POLR2C: variants seen among roughly 807,000 people sequenced by gnomAD.
POLR2C encodes RNA polymerase II subunit C.
A neutral mutation model predicts 41.7 loss-of-function variants in POLR2C; 36 were observed. The ratio of observed to expected loss-of-function variants is 0.86; its 90% CI spans 0.66 to 1.14. The LOEUF (loss-of-function observed/expected upper bound fraction) is 1.14. POLR2C is among the 50% of genes most tolerant of loss of function. POLR2C has a pLI of 0.00. For missense variants in POLR2C, 260 were observed against 350.4 expected (o/e 0.74, Z 2.06); for synonymous variants, 133 against 137.8 (o/e 0.96, Z 0.25).
intron 4 of POLR2C, 147 bp downstream of exon 4, chr16:57,466,374 C>T: frequency 3.0e-6 from 2 of 674,634 alleles, no homozygotes; most frequent in Admixed American, 2.6e-5. Context: ...CCTGGGCAGG[C>T]CTTGGTCCTG....
intron 4 of POLR2C, among the ~76,000 whole-genome samples, chr16:57,468,817 G>A (rs1232323947): frequency 6.6e-6 from 1 of 152,188 alleles, no homozygotes; most frequent in Non-Finnish European, 1.5e-5. Flanking sequence ...ACTATAGAGT[G>A]TGAAAGCATT....
chr16:57,466,295 C>T (rs1307845586), intron 4 of POLR2C, 68 bp downstream of exon 4: 2 of 1,040,146 alleles, frequency 1.9e-6, no homozygotes, highest in East Asian at 4.8e-5. Context: ...GGGATTTTTC[C>T]TGACATTTGG....
intron 4 of POLR2C, among the ~76,000 whole-genome samples, chr16:57,466,827 C>G (rs2030719534): frequency 1.3e-5 from 2 of 152,214 alleles, no homozygotes; most frequent in African/African-American, 2.4e-5. Context: ...GCTACTCCCT[C>G]TTGATGGCTT....
intron 4 of POLR2C, among the ~76,000 whole-genome samples, 162 bp downstream of exon 4, chr16:57,466,389 C>G (rs1251892759): frequency 6.6e-6 from 1 of 152,216 alleles, no homozygotes; most frequent in Non-Finnish European, 1.5e-5. Context: ...GTCCTGCGTT[C>G]TGATGGGGCT....
rs371403379 is a variant in POLR2C, at chr16:57,464,715, C to G, written c.137-1238C>G. Among the ~76,000 whole-genome samples, 52 of 132,598 alleles carry G rather than the reference C, an allele frequency of 3.9e-4. No homozygotes were observed. The East Asian group carries it at 0.013, about 33-fold the overall frequency. 87.0% of individuals were successfully genotyped at this position (132,598 alleles called of 152,430 possible). On this transcript the variant is annotated intron_variant, in intron 2 of 8. Coordinates refer to ENST00000219252, the MANE Select transcript of POLR2C (RefSeq NM_032940.3). ...AAATTCAGCTTGGAGTGCTGGACCT[C>G]CCCCTGCCTAAGCACTTCATGCCTC...
At position 57,470,323 on chromosome 16, in the gene POLR2C, G is replaced by C; in HGVS notation, c.652G>C (p.Ala218Pro). The C allele has an allele frequency of 6.2e-7, 1 of 1,611,996 alleles. No individual in the cohort carries two copies. Among genetic ancestry groups the C allele is most frequent in the South Asian group, 1.1e-5 (1 of 90,662 alleles). The change falls in exon 8 of 9, where the codon GCT (alanine) becomes CCT (proline). Residue 218 changes from alanine to proline, a missense_variant. Ala to Pro is a conservative substitution (Grantham distance 27). Coordinates refer to ENST00000219252, the MANE Select transcript of POLR2C (RefSeq NM_032940.3). ...GGAGCTGGATGAGGATGAGTCGCAGGCTCCCTATGACCCCAACGGCAAGCC... is the reference window on the plus strand; with the variant it reads ...GGAGCTGGATGAGGATGAGTCGCAGCCTCCCTATGACCCCAACGGCAAGCC... ...YSELDEDESQAPYDPNGKPER... is the reference protein window; with the variant it reads ...YSELDEDESQPPYDPNGKPER...
chr16:57,470,264 C>CTG lies in POLR2C; in HGVS notation c.609-12_609-11dup. 1 of 1,612,366 alleles carries CTG rather than the reference C, an allele frequency of 6.2e-7. No individual in the cohort carries two copies. The highest frequency in any genetic ancestry group is 8.5e-7 in the Non-Finnish European group (1 of 1,178,932). On this transcript the variant is annotated splice_polypyrimidine_tract_variant and intron_variant, in intron 7 of 8. Coordinates refer to ENST00000219252, the MANE Select transcript of POLR2C (RefSeq NM_032940.3). Reference sequence around the variant, plus strand: ...GGAGCAGTGGCAACCTTGTGCTGACCTGTGTTTGACCTCAGGCCAAAGAGT... The same window carrying CTG: ...GGAGCAGTGGCAACCTTGTGCTGACCTGTGTGTTTGACCTCAGGCCAAAGAGT...
At chr16:57,467,513 A>T (rs2030738913) in intron 4 of POLR2C, among the ~76,000 whole-genome samples, 1 of 152,170 alleles carries the variant, frequency 6.6e-6, no homozygotes, top group South Asian at 2.1e-4. Flanking sequence ...CAAAGATGGC[A>T]TGGTCTGTCT....
At chr16:57,468,022 A>AT (rs2030749650) in intron 4 of POLR2C, among the ~76,000 whole-genome samples, 1 of 150,570 alleles carries the variant, frequency 6.6e-6, no homozygotes, top group Non-Finnish European at 1.5e-5. Flanking sequence ...TTATTTTTCT[A>AT]TTTTTTCAGA....
At position 57,470,138 on chromosome 16, in the gene POLR2C, C is replaced by G. The variant is rs1268545680; in HGVS notation, c.608+9C>G. On this transcript the variant is annotated intron_variant, in intron 7 of 8. Transcript: ENST00000219252. ...CCCAAGCCCGAGGAATGGTATGTTC[C>G]CCTTAGGAGTGATGGCAGGCATTTG... 6.2e-7 allele frequency: 1 copy of G among 1,607,152 alleles called. No homozygotes were observed. The highest frequency in any genetic ancestry group is 1.4e-5 in the African/African-American group (1 of 73,050).
rs770130469 is a variant in POLR2C at position 57,469,796 on chromosome 16, C to T, written c.439+35C>T. On this transcript the variant is annotated intron_variant, in intron 6 of 8. Transcript: ENST00000219252. This position sits in a 1 kb window ranked among gnomAD's most constrained non-coding sequence, Gnocchi z 5.8. ...CCTGACCTGTCACCGTGTGGGCCAG[C>T]GGGAAGGAGGGACCAGACACAGCCT... The T allele has an allele frequency of 1.4e-5, 22 of 1,598,146 alleles. No individual in the cohort carries two copies. Among genetic ancestry groups the T allele is most frequent in the Middle Eastern group, 1.7e-4 (1 of 6,056 alleles).
In POLR2C at chr16:57,462,689, C is replaced by G; in HGVS notation, c.-36C>G. The G allele has an allele frequency of 6.6e-7, 1 of 1,524,210 alleles. No homozygotes were observed. The highest frequency in any genetic ancestry group is 9.0e-7 in the Non-Finnish European group (1 of 1,117,234). 94.4% of individuals were successfully genotyped at this position (1,524,210 alleles called of 1,614,324 possible). ...TGGCGGTGGCGCCGCGCAGTCACCG[C>G]GGAGCAGACGCGGAGGCTGGTGGCC... is the stretch of plus-strand genomic sequence containing the variant. On this transcript the variant is annotated 5_prime_UTR_variant, in exon 1 of 9. Transcript: ENST00000219252.
intron 2 of POLR2C, chr16:57,463,676 G>A (rs1446397772): frequency 2.2e-6 from 1 of 452,710 alleles, no homozygotes. Context: ...TCCAGGCCGC[G>A]CTCGCGCCTG....
chr16:57,469,176 T>G lies in POLR2C; in HGVS notation c.270T>G (p.Cys90Trp). ...CCTTCCTGCCTTAGGACTGCACATG[T>G]GAGGAGTTCTGCCCCGAGTGCTCGG... Reference protein sequence around the residue: ...DKLQYSRDCTCEEFCPECSVE... With the variant: ...DKLQYSRDCTWEEFCPECSVE... The change falls in exon 5 of 9, where the codon TGT becomes TGG. Residue 90 changes from cysteine (C) to tryptophan (W), a missense_variant. Coordinates refer to ENST00000219252, the MANE Select transcript of POLR2C (RefSeq NM_032940.3). This position sits in a 1 kb window ranked among gnomAD's most constrained non-coding sequence, Gnocchi z 5.8. The G allele has an allele frequency of 6.2e-7, 1 of 1,614,070 alleles. No homozygotes were observed. Among genetic ancestry groups the G allele is most frequent in the Non-Finnish European group, 8.5e-7 (1 of 1,179,984 alleles).
chr16:57,471,142 A>G lies in POLR2C; in HGVS notation c.*23A>G. The G allele has an allele frequency of 6.2e-7, 1 of 1,609,790 alleles. No individual in the cohort carries two copies. The highest frequency in any genetic ancestry group is 8.5e-7 in the Non-Finnish European group (1 of 1,176,242). ...TAACTGCAGCTTGCCTGCTTCAGCA[A>G]AAACGGAGATTCAGGCCAGCAGCTG... On this transcript the variant is annotated 3_prime_UTR_variant, in exon 9 of 9. Transcript: ENST00000219252.
At position 57,469,182 on chromosome 16, in the gene POLR2C, G is replaced by T; in HGVS notation, c.276G>T (p.Glu92Asp). Residue 92 changes from glutamate (E) to aspartate (D), a missense_variant, in exon 5 of 9, where the codon GAG (glutamate) becomes GAT (aspartate). Coordinates refer to ENST00000219252, the MANE Select transcript of POLR2C (RefSeq NM_032940.3). The surrounding 1 kb of genome is among the most constrained non-coding windows in gnomAD (Gnocchi z 5.8). ...TGCCTTAGGACTGCACATGTGAGGA[G>T]TTCTGCCCCGAGTGCTCGGTGGAGT... ...LQYSRDCTCEEFCPECSVEFT... is the reference protein window; with the variant it reads ...LQYSRDCTCEDFCPECSVEFT... The T allele has an allele frequency of 6.2e-7, 1 of 1,614,172 alleles. No homozygotes were observed. Among genetic ancestry groups the T allele is most frequent in the Non-Finnish European group, 8.5e-7 (1 of 1,180,024 alleles).
At chr16:57,470,656 A>G (rs1036132821) in intron 8 of POLR2C, among the ~76,000 whole-genome samples, 2 of 152,216 alleles carry the variant, frequency 1.3e-5, no homozygotes, top group Middle Eastern at 3.2e-3. Flanking sequence ...CAAGTTCCAC[A>G]GGGTGACTGT....
At chr16:57,466,072 T>G in intron 3 of POLR2C, 51 bp downstream of exon 3, 1 of 1,427,742 alleles carries the variant, frequency 7.0e-7, no homozygotes, top group Non-Finnish European at 9.9e-7. Context: ...GTGCCTAGTG[T>G]CAGGAGGGGG....
At chr16:57,468,172 CAA>C (rs1172346749) in intron 4 of POLR2C, among the ~76,000 whole-genome samples, 253 of 152,250 alleles carry the variant, frequency 1.7e-3, no homozygotes, top group Middle Eastern at 6.8e-3. Context: ...CCACCACACC[CAA>C]AAAATACAAT....
Sources: allele counts gnomAD v4.1 joint callset (sites outside exome capture counted in the v4.1 genomes callset), GRCh38; gene constraint gnomAD v4.1.1; non-coding constraint Gnocchi (gnomAD v3.1); transcripts MANE v1.5; gene names NCBI Gene and HGNC (gene_info 2026-07-23, HGNC 2026-07-21).